The following ERBB4 variants were observed in gnomAD, a reference collection of about 807,000 sequenced individuals.
ERBB4 encodes receptor tyrosine-protein kinase erbB-4.
In ERBB4, 42 loss-of-function variants were observed where a neutral mutation model predicts 158.0. That is an observed-to-expected ratio of 0.27 (90% CI 0.21 to 0.34). The LOEUF (loss-of-function observed/expected upper bound fraction) is 0.34. Ranked by LOEUF, ERBB4 falls within the 10% of genes least tolerant of loss-of-function variation. ERBB4 has a pLI of 1.00. For synonymous variants in ERBB4, 583 were observed against 558.7 expected (o/e 1.04, Z -0.61); for missense variants, 1,333 against 1,624.1 (o/e 0.82, Z 3.08).
At chr2:211,888,754 GGAGTTCCCTTTCC>G (rs1455776640) in intron 3 of ERBB4, among the ~76,000 whole-genome samples, 1 of 152,036 alleles carries the variant, frequency 6.6e-6, no homozygotes, top group African/African-American at 2.4e-5. Context: ...GAGGGGTCAG[GGAGTTCCCTTTCC>G]GAGTCAAAGA....
intron 16 of ERBB4, among the ~76,000 whole-genome samples, chr2:211,635,023 G>A (rs537415030): frequency 1.3e-5 from 2 of 152,258 alleles, no homozygotes; most frequent in African/African-American, 4.8e-5. Context: ...AGGCTCAGTT[G>A]ACACTATGAG....
intron 1 of ERBB4, among the ~76,000 whole-genome samples, chr2:212,497,715 A>G: frequency 6.6e-6 from 1 of 152,260 alleles, no homozygotes; most frequent in East Asian, 1.9e-4. Flanking sequence ...AATGACTACA[A>G]GATCTGTGAA....
chr2:212,013,761 A>G (rs1171959478), intron 2 of ERBB4, among the ~76,000 whole-genome samples: 1 of 152,158 alleles, frequency 6.6e-6, no homozygotes, highest in African/African-American at 2.4e-5. Flanking sequence ...TTTCCAAGCA[A>G]TCCTCCTGCA....
intron 1 of ERBB4, among the ~76,000 whole-genome samples, chr2:212,328,734 A>G (rs1456240004): frequency 6.6e-6 from 1 of 152,040 alleles, no homozygotes; most frequent in African/African-American, 2.4e-5. Flanking sequence ...TCTCCTTTAG[A>G]GACAAATCTA....
At chr2:211,618,216 A>T (rs2069467606) in intron 19 of ERBB4, among the ~76,000 whole-genome samples, 1 of 152,072 alleles carries the variant, frequency 6.6e-6, no homozygotes, top group South Asian at 2.1e-4. Flanking sequence ...ATAGAAACTA[A>T]TCTTGATTGA....
chr2:212,149,159 A>ACC (rs879466814), intron 1 of ERBB4, among the ~76,000 whole-genome samples: 117 of 124,144 alleles, frequency 9.4e-4, no homozygotes, highest in Non-Finnish European at 1.5e-3. Flanking sequence ...AAAACTTAAA[A>ACC]TATAATAATT....
At chr2:212,031,321 T>A (rs1218456830) in intron 2 of ERBB4, among the ~76,000 whole-genome samples, 2 of 152,154 alleles carry the variant, frequency 1.3e-5, no homozygotes, top group Non-Finnish European at 2.9e-5. Context: ...TATATTTAAA[T>A]TTTTTATATA....
chr2:212,050,233 G>T (rs1048758916), intron 2 of ERBB4, among the ~76,000 whole-genome samples: 1 of 151,954 alleles, frequency 6.6e-6, no homozygotes, highest in Admixed American at 6.6e-5. Context: ...TCAGGTAATC[G>T]TATCAGAAAA....
intron 20 of ERBB4, among the ~76,000 whole-genome samples, chr2:211,433,715 A>G (rs1316893447): frequency 6.6e-6 from 1 of 152,256 alleles, no homozygotes; most frequent in Non-Finnish European, 1.5e-5. Context: ...ACAATACAGA[A>G]GCAAGGTGAT....
intron 1 of ERBB4, among the ~76,000 whole-genome samples, chr2:212,191,726 ACG>A (rs2082229754): frequency 6.8e-6 from 1 of 146,854 alleles, no homozygotes; most frequent in African/African-American, 2.5e-5. Flanking sequence ...TACATATAAC[ACG>A]TGTTATACAT....
chr2:212,097,438 G>A (rs923012539), intron 2 of ERBB4, among the ~76,000 whole-genome samples: 4 of 152,184 alleles, frequency 2.6e-5, no homozygotes, highest in African/African-American at 9.6e-5. Flanking sequence ...TGGATCCCTA[G>A]CTAAATGGTG....
intron 20 of ERBB4, among the ~76,000 whole-genome samples, chr2:211,477,750 A>T (rs1304230999): frequency 1.3e-5 from 2 of 152,136 alleles, no homozygotes; most frequent in Non-Finnish European, 2.9e-5. Flanking sequence ...TCTCTTGGAA[A>T]CCATAAATTT....
At chr2:211,626,785 C>T (rs1473348526) in intron 17 of ERBB4, among the ~76,000 whole-genome samples, 5 of 151,674 alleles carry the variant, frequency 3.3e-5, no homozygotes. Flanking sequence ...ATGAGCCGGA[C>T]GTGTTGGCGG....
chr2:212,243,359 A>G (rs901625231), intron 1 of ERBB4, among the ~76,000 whole-genome samples: 5 of 152,210 alleles, frequency 3.3e-5, no homozygotes, highest in South Asian at 2.1e-4. Flanking sequence ...GAAGGGTGAG[A>G]GTAATTCTGT....
chr2:211,854,512 G>A (rs1163873151), intron 3 of ERBB4, among the ~76,000 whole-genome samples: 1 of 152,096 alleles, frequency 6.6e-6, no homozygotes, highest in East Asian at 1.9e-4. Flanking sequence ...AACAGGCAAT[G>A]CCATCATGAC....
chr2:211,682,581 T>G (rs367750836), intron 12 of ERBB4, among the ~76,000 whole-genome samples: 10 of 152,188 alleles, frequency 6.6e-5, no homozygotes, highest in Admixed American at 2.6e-4. Context: ...ATCTATTCAG[T>G]TTTTGTATAT....
At chr2:212,516,612 C>T (rs1474211780) in intron 1 of ERBB4, among the ~76,000 whole-genome samples, 2 of 152,094 alleles carry the variant, frequency 1.3e-5, no homozygotes, top group Non-Finnish European at 2.9e-5. Context: ...ATGTATTTAA[C>T]ACAGTGAGAA....
At chr2:212,486,417 G>A (rs1689984288) in intron 1 of ERBB4, among the ~76,000 whole-genome samples, 1 of 152,026 alleles carries the variant, frequency 6.6e-6, no homozygotes, top group South Asian at 2.1e-4. Context: ...GCATCTATGA[G>A]CTTTCAATAT....
chr2:211,824,480 T>A (rs2077054716), intron 3 of ERBB4, among the ~76,000 whole-genome samples: 1 of 152,028 alleles, frequency 6.6e-6, no homozygotes, highest in Admixed American at 6.6e-5. Flanking sequence ...TTATTTATAA[T>A]GTGATCTGTC....
Sources: allele counts gnomAD v4.1 joint callset (sites outside exome capture counted in the v4.1 genomes callset), GRCh38; gene constraint gnomAD v4.1.1; transcripts MANE v1.5; gene names NCBI Gene and HGNC (gene_info 2026-07-23, HGNC 2026-07-21).